The following TMEM222 variants were observed in gnomAD, a reference collection of about 807,000 sequenced individuals.
The protein encoded by TMEM222 is chromosome 1 open reading frame 160.
TMEM222 carries 18 observed loss-of-function variants against 25.1 expected under a neutral mutation model. That is an observed-to-expected ratio of 0.72 (90% CI 0.50 to 1.06). The LOEUF is 1.06. TMEM222 is among the 50% of genes least tolerant of loss of function. The pLI, the probability that TMEM222 is intolerant of heterozygous loss-of-function variation, is 0.00. For synonymous variants in TMEM222, 131 were observed against 117.9 expected, an observed-to-expected ratio of 1.11 and a Z score of -0.72; for missense variants, 296 against 293.7, an observed-to-expected ratio of 1.01 and a Z score of -0.06.
intron 1 of TMEM222, chr1:27,325,459 C>T: frequency 7.4e-7 from 1 of 1,355,560 alleles, no homozygotes; most frequent in Non-Finnish European, 1.1e-6. Context: ...CTGTTCCAGC[C>T]TTCCTTCCTG....
In TMEM222 at chr1:27,335,439, C is replaced by T. The variant is rs200116563; in HGVS notation, c.600C>T (p.Thr200=). 1.9e-5 allele frequency: 31 copies of T among 1,614,224 alleles called. No homozygotes were observed. The Admixed American group carries it at 3.7e-4, about 19-fold the overall frequency. ...TCCTTCTCCTGGGCATCATCCTCAC[C>T]GTCAGCCTGGTCTTTAACCTCCGGT... ...PFILLLGIIL[T]VSLVFNLR is the part of the protein sequence containing the mutation. Residue 200 remains threonine, a synonymous_variant, in exon 6 of 6, where the codon ACC becomes ACT. Coordinates refer to ENST00000374076, the MANE Select transcript of TMEM222 (RefSeq NM_032125.3).
intron 1 of TMEM222, among the ~76,000 whole-genome samples, chr1:27,327,928 A>G (rs1180736740): frequency 6.6e-6 from 1 of 152,244 alleles, no homozygotes; most frequent in African/African-American, 2.4e-5. Flanking sequence ...TCTTAAATGC[A>G]GGATGTTCAT....
chr1:27,333,213 C>A, intron 3 of TMEM222: 1 of 397,204 alleles, frequency 2.5e-6, no homozygotes, highest in South Asian at 1.8e-5. Flanking sequence ...TCTCTTTCTG[C>A]ATCCTCCAGG....
At chr1:27,330,225 C>T (rs1012210054) in intron 1 of TMEM222, among the ~76,000 whole-genome samples, 2 of 151,254 alleles carry the variant, frequency 1.3e-5, no homozygotes, top group African/African-American at 4.9e-5. Context: ...GGTGAAACCC[C>T]ATCTCTACTA....
intron 3 of TMEM222, chr1:27,332,926 C>G: frequency 3.4e-6 from 1 of 293,056 alleles, no homozygotes; most frequent in Non-Finnish European, 6.8e-6. Context: ...GGTCTCTAGA[C>G]TCCTCCACCA....
chr1:27,331,032 C>CCCAG, intron 2 of TMEM222: 1 of 1,438,856 alleles, frequency 6.9e-7, no homozygotes, highest in Non-Finnish European at 9.2e-7. Flanking sequence ...AAGTAACTGA[C>CCCAG]CCAGCCCTTT....
At chr1:27,322,451 G>T in intron 1 of TMEM222, 60 bp downstream of exon 1, 1 of 1,312,050 alleles carries the variant, frequency 7.6e-7, no homozygotes, top group Non-Finnish European at 9.8e-7. Context: ...CCGGAGTCGG[G>T]CCGGGCTAGC....
Position 27,332,097 on chromosome 1 carries a change from GCCAAGTAAGTGATGAACAC to G in TMEM222, c.311_311+18del. ...GGACAACATGGCCTTTGGAAAGCCT[GCCAAGTAAGTGATGAACAC>G]CCATGTGACTGGCTCTAGAGGCAGG... On this transcript the variant is annotated splice_donor_variant and splice_donor_5th_base_variant and coding_sequence_variant and intron_variant, in exon 3 of 6. Transcript: ENST00000374076. LOFTEE classifies it high-confidence loss of function. 1.2e-6 allele frequency: 2 copies of G among 1,614,254 alleles called. No individual in the cohort carries two copies. The highest frequency in any genetic ancestry group is 1.7e-6 in the Non-Finnish European group (2 of 1,180,050).
At chr1:27,332,669 A>G in intron 3 of TMEM222, 5 of 629,812 alleles carry the variant, frequency 7.9e-6, no homozygotes, top group Non-Finnish European at 1.2e-5. Context: ...CAGTGTCCTC[A>G]GGTGACCTGT....
chr1:27,332,259 C>A, intron 3 of TMEM222, 158 bp downstream of exon 3: 1 of 814,396 alleles, frequency 1.2e-6, no homozygotes. Flanking sequence ...ATGGCAACCC[C>A]ATACAGAGTG....
chr1:27,331,110 A>G (rs1571011373), intron 2 of TMEM222: 1 of 1,259,992 alleles, frequency 7.9e-7, no homozygotes, highest in Middle Eastern at 2.1e-4. Context: ...CAGACCATCC[A>G]GGAACCACAT....
At chr1:27,326,394 G>T (rs1415617282) in intron 1 of TMEM222, among the ~76,000 whole-genome samples, 1 of 151,220 alleles carries the variant, frequency 6.6e-6, no homozygotes, top group African/African-American at 2.4e-5. Flanking sequence ...TTTATGTAAG[G>T]TTTTTTTTTG....
At chr1:27,323,296 TC>T (rs2014254665) in intron 1 of TMEM222, among the ~76,000 whole-genome samples, 2 of 152,212 alleles carry the variant, frequency 1.3e-5, no homozygotes, top group Non-Finnish European at 2.9e-5. Context: ...TCTTATCCAC[TC>T]TCACCTGATG....
Position 27,334,030 on chromosome 1 carries a change from C to T in TMEM222, c.384C>T (p.Ala128=). 1 of 1,614,192 alleles carries T rather than the reference C, an allele frequency of 6.2e-7. No homozygotes were observed. The highest frequency in any genetic ancestry group is 8.5e-7 in the Non-Finnish European group (1 of 1,180,030). ...CATGGGACACGGCTGTGCACGACGCCTCTGAGGAGTACAAGCACCGCATGG... is the reference window on the plus strand; with the variant it reads ...CATGGGACACGGCTGTGCACGACGCTTCTGAGGAGTACAAGCACCGCATGG... The part of the protein sequence containing the change: ...PNAWDTAVHD[A]SEEYKHRMHN... Residue 128 remains alanine (A), a synonymous_variant, in exon 4 of 6, where the codon GCC becomes GCT. Coordinates refer to ENST00000374076, the MANE Select transcript of TMEM222 (RefSeq NM_032125.3).
intron 1 of TMEM222, among the ~76,000 whole-genome samples, chr1:27,328,216 C>T (rs1402497673): frequency 6.6e-6 from 1 of 152,058 alleles, no homozygotes; most frequent in African/African-American, 2.4e-5. Flanking sequence ...GTCAGCTGTG[C>T]CATGCTCTCT....
rs553483303 is a variant in TMEM222, at chr1:27,329,790, G to A, written c.195-930G>A. Reference sequence around the variant, plus strand: ...AAACTGCTGAGGCATTTAGTATAGTGCCAAACTGTTTTCCAGAATGGTAGA... The same window carrying A: ...AAACTGCTGAGGCATTTAGTATAGTACCAAACTGTTTTCCAGAATGGTAGA... On this transcript the variant is annotated intron_variant, in intron 1 of 5. Coordinates refer to ENST00000374076, the MANE Select transcript of TMEM222 (RefSeq NM_032125.3). 2.0e-5 allele frequency among the ~76,000 whole-genome samples: 3 copies of A among 152,352 alleles called. No homozygotes were observed. In the South Asian group the frequency reaches 6.2e-4, roughly 32 times the overall value.
rs191035166 is a variant in TMEM222 at position 27,331,319 on chromosome 1, G to A, written c.279+515G>A. On this transcript the variant is annotated intron_variant, in intron 2 of 5. Coordinates refer to ENST00000374076, the MANE Select transcript of TMEM222 (RefSeq NM_032125.3). The stretch of plus-strand genomic sequence containing the variant: ...AGCATGCATCATCCTGTCTCCAGGT[G>A]TCAGAGGCTGGACTGAAGGGGTGTG... 1.6e-3 allele frequency among the ~76,000 whole-genome samples: 247 copies of A among 152,322 alleles called. 1 individual carries two copies. The highest frequency in any genetic ancestry group is 6.8e-3 in the Middle Eastern group (2 of 294).
At chr1:27,325,421 CA>C in intron 1 of TMEM222, 1 of 1,158,818 alleles carries the variant, frequency 8.6e-7, no homozygotes, top group South Asian at 1.2e-5. Context: ...TCACCATCAG[CA>C]ACAAGCGGTT....
intron 5 of TMEM222, chr1:27,334,800 G>A (rs921066463): frequency 5.4e-6 from 6 of 1,106,458 alleles, no homozygotes; most frequent in South Asian, 2.7e-5. Context: ...TCTTAGCCAC[G>A]TTCATCATTA....
Sources: gnomAD v4.1 joint callset for allele counts (sites outside exome capture counted in the v4.1 genomes callset) on GRCh38, gnomAD v4.1.1 for gene constraint, MANE v1.5 for transcripts, NCBI Gene and HGNC (gene_info 2026-07-23, HGNC 2026-07-21) for gene names.